Variants in C1R observed in about 807,000 individuals in gnomAD.
C1R encodes the protein complement C1r.
Under a neutral mutation model 27.6 loss-of-function variants are expected in C1R, and 15 were observed. The ratio of observed to expected loss-of-function variants is 0.54; its 90% CI spans 0.36 to 0.84. The LOEUF is 0.84. C1R is among the 40% of genes least tolerant of loss of function. The pLI is 0.01. For synonymous variants in C1R, 253 were observed against 228.8 expected (o/e 1.11, Z -0.95); for missense variants, 544 against 577.9 (o/e 0.94, Z 0.60).
chr12:7,088,879 C>T lies in C1R; in HGVS notation c.876G>A (p.Ser292=), dbSNP rs570489350. Residue 292 remains serine (S), a synonymous_variant, in exon 6 of 11, where the codon TCG becomes TCA. Transcript: ENST00000647956. ...AVDLLFFTDE[S]GDSRGWKLRY... ...GCAGCTTCCAGCCCCGGCTGTCCCC[C>T]GACTCATCTGTGAAGAACAGCAGAT... The T allele has an allele frequency of 1.2e-4, 90 of 776,990 alleles. No homozygotes were observed. The highest frequency in any genetic ancestry group is 1.7e-4 in the East Asian group (7 of 41,190). 48.1% of individuals were successfully genotyped at this position (776,990 alleles called of 1,614,324 possible).
Position 7,090,085 on chromosome 12 carries a change from T to A in C1R, c.395A>T (p.Lys132Met), listed in dbSNP as rs780249848. ...AGCTTGGTAGTAGGCCAGGAAGCCC[T>A]TGTAGAACATGATGGTCCCATTCTC... is the stretch of plus-strand genomic sequence containing the variant. ...NEENGTIMFY[K>M]GFLAYYQAVD... The change falls in exon 3 of 11, where the codon AAG (lysine) becomes ATG (methionine). Residue 132 changes from lysine (K) to methionine (M), a missense_variant. Physicochemically the swap from Lys to Met is moderately conservative, Grantham distance 95. Coordinates refer to ENST00000647956, the MANE Select transcript of C1R (RefSeq NM_001733.7). 1 of 777,464 alleles carries A rather than the reference T, an allele frequency of 1.3e-6. No individual in the cohort carries two copies. Among genetic ancestry groups the A allele is most frequent in the Admixed American group, 1.7e-5 (1 of 58,540 alleles). The allele number at this position is 777,464 out of a possible 1,614,324, so 48.2% of individuals were successfully genotyped here.
Position 7,089,621 on chromosome 12 carries a change from G to A in C1R, c.537C>T (p.Gly179=), listed in dbSNP as rs759400396. 1.3e-6 allele frequency: 1 copy of A among 780,950 alleles called. No homozygotes were observed. The highest frequency in any genetic ancestry group is 2.4e-5 in the East Asian group (1 of 41,258). The allele number at this position is 780,950 out of a possible 1,614,324, so 48.4% of individuals were successfully genotyped here. Residue 179 remains glycine, a synonymous_variant, in exon 4 of 11, where the codon GGC becomes GGT. Transcript: ENST00000647956. ...AATGCCTGTCTTCCTGAAGCTCATA[G>A]CCTGGACGGCAGGAACAGAAGTAGC... The part of the protein sequence containing the change: ...VGGYFCSCRP[G]YELQEDRHSC...
rs1189530973 is a variant in C1R, at chr12:7,089,572, A to G, written c.571+15T>C. The G allele has an allele frequency of 1.3e-6, 1 of 780,820 alleles. No homozygotes were observed. The highest frequency in any genetic ancestry group is 2.4e-5 in the East Asian group (1 of 41,250). 48.4% of individuals were successfully genotyped at this position (780,820 alleles called of 1,614,324 possible). On this transcript the variant is annotated intron_variant, in intron 4 of 10. Transcript: ENST00000647956. ...GGCTCAACCCCTTCCCCTCTGCTAC[A>G]CCACTCTGGCTCACCCTGGCAGGAA...
Position 7,088,702 on chromosome 12 carries a change from C to G in C1R, c.946G>C (p.Asp316His). ...AGGTTCTGGATGATGGTGAACTCGT[C>G]TAGGGTCTTGGGCTGGGGGCACTTG... ...IIKCPQPKTL[D>H]EFTIIQNLQP... Residue 316 changes from aspartate to histidine, a missense_variant, in exon 7 of 11, where the codon GAC becomes CAC. Coordinates refer to ENST00000647956, the MANE Select transcript of C1R (RefSeq NM_001733.7). 1 of 776,246 alleles carries G rather than the reference C, an allele frequency of 1.3e-6. No homozygotes were observed. The highest frequency in any genetic ancestry group is 2.4e-6 in the Non-Finnish European group (1 of 415,980). 48.1% of individuals were successfully genotyped at this position (776,246 alleles called of 1,614,324 possible).
At position 7,081,234 on chromosome 12, in the gene C1R, C is replaced by T. The variant is rs774369185; in HGVS notation, c.1416G>A (p.Met472Ile). 4 of 1,613,076 alleles carry T rather than the reference C, an allele frequency of 2.5e-6. No homozygotes were observed. In the East Asian group the frequency reaches 6.7e-5, roughly 27 times the overall value. The stretch of plus-strand genomic sequence containing the variant: ...TGAACACCTGCCAGGGGAAGTTGCC[C>T]ATCTTGGCTTTTTGCCCTCCGATGA... Reference protein sequence around the residue: ...QRIIGGQKAKMGNFPWQVFTN... With the variant: ...QRIIGGQKAKIGNFPWQVFTN... The change falls in exon 11 of 11, where the codon ATG (methionine) becomes ATA (isoleucine). Residue 472 changes from methionine (M) to isoleucine (I), a missense_variant. This residue lies in a region of C1R where 253 missense variants were observed against 368.9 expected (regional missense o/e 0.69). Transcript: ENST00000647956.
At chr12:7,087,642 C>A (rs1938175618) in intron 7 of C1R, 1 of 154,394 alleles carries the variant, frequency 6.5e-6, no homozygotes. Context: ...CCCACCCAAT[C>A]CTCCTGATGG....
chr12:7,092,321 C>T lies in C1R; in HGVS notation c.2+66G>A. 6.4e-6 allele frequency: 5 copies of T among 780,370 alleles called. No homozygotes were observed. In the South Asian group the frequency reaches 6.7e-5, roughly 10 times the overall value. The allele number at this position is 780,370 out of a possible 1,614,324, so 48.3% of individuals were successfully genotyped here. A position where few individuals can be genotyped will look rare whatever the true frequency, so the allele number is the denominator to read the frequency against. On this transcript the variant is annotated intron_variant, in intron 1 of 10. Transcript: ENST00000647956. ...AGGGTGTTCCTGTCTCCCTGAATTG[C>T]CTCCCATGCCCTGGCTTCTCCCCTG...
At position 7,085,100 on chromosome 12, in the gene C1R, G is replaced by GT. The variant is rs1555164210; in HGVS notation, c.1273+760dup. Among the ~76,000 whole-genome samples, 318 of 144,584 alleles carry GT rather than the reference G, an allele frequency of 2.2e-3. 3 individuals are homozygous for GT. Among genetic ancestry groups the GT allele is most frequent in the Middle Eastern group, 3.5e-3 (1 of 282 alleles). The allele number at this position is 144,584 out of a possible 152,430, so 94.9% of individuals were successfully genotyped here. ...TGATGGTGGTGATGGTGGTGTTAGT[G>GT]TGGTGGTGATGATGATGTTAGTAAT... On this transcript the variant is annotated intron_variant, in intron 9 of 10. Transcript: ENST00000647956.
rs1438521199 is a variant in C1R, at chr12:7,091,633, C to A, written c.50G>T (p.Gly17Val). 4 of 758,008 alleles carry A rather than the reference C, an allele frequency of 5.3e-6. No individual in the cohort carries two copies. The highest frequency in any genetic ancestry group is 9.8e-6 in the Non-Finnish European group (4 of 406,712). The allele number at this position is 758,008 out of a possible 1,614,324, so 47.0% of individuals were successfully genotyped here. Residue 17 changes from glycine to valine, a missense_variant, in exon 2 of 11, where the codon GGC becomes GTC. This residue lies in a region of C1R where 291 missense variants were observed against 209.0 expected (regional missense o/e 1.39). Coordinates refer to ENST00000647956, the MANE Select transcript of C1R (RefSeq NM_001733.7). This position sits in a 1 kb window ranked among gnomAD's most constrained non-coding sequence, Gnocchi z 5.1. ...LVPALFCRAG[G>V]SIPIPQKLFG... is the part of the protein sequence containing the mutation. ...TAACTTCTGAGGGATGGGAATGGAG[C>A]CTCCTGCCCTGCAGAACAGGGCCGG... is the stretch of plus-strand genomic sequence containing the variant.
chr12:7,090,532 C>T (rs1938251641), intron 2 of C1R, among the ~76,000 whole-genome samples: 2 of 152,192 alleles, frequency 1.3e-5, no homozygotes, highest in Non-Finnish European at 2.9e-5. Context: ...TTCTCCATCC[C>T]CACCACCTCC....
rs1481415991 is a variant in C1R at position 7,091,235 on chromosome 12, C to T, written c.231+217G>A. The T allele has an allele frequency of 3.6e-6, 2 of 556,390 alleles. No homozygotes were observed. The highest frequency in any genetic ancestry group is 3.6e-5 in the Admixed American group (1 of 28,136). The allele number at this position is 556,390 out of a possible 1,614,324, so 34.5% of individuals were successfully genotyped here. On this transcript the variant is annotated intron_variant, in intron 2 of 10. Coordinates refer to ENST00000647956, the MANE Select transcript of C1R (RefSeq NM_001733.7). This position sits in a 1 kb window ranked among gnomAD's most constrained non-coding sequence, Gnocchi z 5.1. Reference sequence around the variant, plus strand: ...TGGATGTTGAATTTCCTGAGTGGGTCCTGTCCCCTTCCTTCTCTGTGCTTC... The same window carrying T: ...TGGATGTTGAATTTCCTGAGTGGGTTCTGTCCCCTTCCTTCTCTGTGCTTC...
Position 7,080,277 on chromosome 12 carries a change from AAAGTGG to A in C1R, c.*249_*254del. On this transcript the variant is annotated 3_prime_UTR_variant, in exon 11 of 11. Transcript: ENST00000647956. This position sits in a 1 kb window ranked among gnomAD's most constrained non-coding sequence, Gnocchi z 4.9. ...TTATATTCAATGACCCAATGGTATC[AAAGTGG>A]AAGAGGAAAGTGACAACTAGAGATT... The A allele has an allele frequency of 8.5e-7, 1 of 1,178,578 alleles. No individual in the cohort carries two copies. Among genetic ancestry groups the A allele is most frequent in the Non-Finnish European group, 1.0e-6 (1 of 953,078 alleles). The allele number at this position is 1,178,578 out of a possible 1,614,324, so 73.0% of individuals were successfully genotyped here.
In C1R at chr12:7,091,815, A is replaced by T; in HGVS notation, c.3-135T>A. 1.4e-6 allele frequency: 1 copy of T among 707,560 alleles called. No individual in the cohort carries two copies. The highest frequency in any genetic ancestry group is 1.5e-5 in the South Asian group (1 of 66,754). The allele number at this position is 707,560 out of a possible 1,614,324, so 43.8% of individuals were successfully genotyped here. ...TCTGCCCACCCTGAACCTCACAGAC[A>T]TGTTCTCAGCAGGGGTGCGTGGGTG... On this transcript the variant is annotated intron_variant, in intron 1 of 10. Transcript: ENST00000647956. This position sits in a 1 kb window ranked among gnomAD's most constrained non-coding sequence, Gnocchi z 5.1.
At position 7,091,739 on chromosome 12, in the gene C1R, G is replaced by C. The variant is rs1187230410; in HGVS notation, c.3-59C>G. 1.4e-6 allele frequency: 1 copy of C among 717,752 alleles called. No individual in the cohort carries two copies. Among genetic ancestry groups the C allele is most frequent in the East Asian group, 2.7e-5 (1 of 37,282 alleles). The allele number at this position is 717,752 out of a possible 1,614,324, so 44.5% of individuals were successfully genotyped here. On this transcript the variant is annotated intron_variant, in intron 1 of 10. Coordinates refer to ENST00000647956, the MANE Select transcript of C1R (RefSeq NM_001733.7). This position sits in a 1 kb window ranked among gnomAD's most constrained non-coding sequence, Gnocchi z 5.1. ...GGGGTTCAGCACTCTTGCCATGTGG[G>C]CAGTGGCTGTGGCAGGGGATGAGAC... is the stretch of plus-strand genomic sequence containing the variant.
rs758237909 is a variant in C1R at position 7,090,150 on chromosome 12, G to A, written c.330C>T (p.Asn110=). The change falls in exon 3 of 11, where the codon AAC becomes AAT. Residue 110 remains asparagine (N), a synonymous_variant. Coordinates refer to ENST00000647956, the MANE Select transcript of C1R (RefSeq NM_001733.7). The stretch of plus-strand genomic sequence containing the variant: ...CTGTGTGGAAGGTCAGCAGCATCTT[G>A]TTCCCTTGGGACATAAATTCCTTCT... The part of the protein sequence containing the change: ...PGKKEFMSQG[N]KMLLTFHTDF... 7 of 773,562 alleles carry A rather than the reference G, an allele frequency of 9.0e-6. No individual in the cohort carries two copies. Among genetic ancestry groups the A allele is most frequent in the Non-Finnish European group, 1.7e-5 (7 of 414,576 alleles). 47.9% of individuals were successfully genotyped at this position (773,562 alleles called of 1,614,324 possible). A position where few individuals can be genotyped will look rare whatever the true frequency, so the allele number is the denominator to read the frequency against.
intron 9 of C1R, among the ~76,000 whole-genome samples, chr12:7,084,981 ATGGTGTTGGTGG>A (rs1157250977): frequency 7.1e-6 from 1 of 141,432 alleles, no homozygotes; most frequent in Admixed American, 6.9e-5. Flanking sequence ...GGTGCTGATG[ATGGTGTTGGTGG>A]TGATGGTGGT....
At chr12:7,086,039 G>T in intron 8 of C1R, 23 bp from the exon 9 acceptor site, 1 of 398,740 alleles carries the variant, frequency 2.5e-6, no homozygotes, top group Non-Finnish European at 4.4e-6. Flanking sequence ...ACAGGGCAGG[G>T]TGAGAGCTGA....
chr12:7,089,238 G>A, intron 5 of C1R, 55 bp downstream of exon 5: 1 of 752,376 alleles, frequency 1.3e-6, no homozygotes, highest in Non-Finnish European at 2.5e-6. Context: ...GACAAGAGGA[G>A]CCAAGTGCAG....
chr12:7,087,413 A>G (rs1938172676), intron 7 of C1R: 1 of 154,418 alleles, frequency 6.5e-6, no homozygotes, highest in Non-Finnish European at 1.5e-5. Flanking sequence ...ACCAAAAATC[A>G]TTCCATGGAG....
Sources: allele counts gnomAD v4.1 joint callset (sites outside exome capture counted in the v4.1 genomes callset), GRCh38; gene constraint gnomAD v4.1.1; regional missense constraint gnomAD v4.1.1; non-coding constraint Gnocchi (gnomAD v3.1); transcripts MANE v1.5; gene names NCBI Gene and HGNC (gene_info 2026-07-23, HGNC 2026-07-21).